The following FRMD3 variants were observed in gnomAD, a reference collection of about 807,000 sequenced individuals.
FRMD3 encodes FERM domain-containing protein 3.
Under a neutral mutation model 70.2 loss-of-function variants are expected in FRMD3, and 33 were observed. That is an observed-to-expected ratio of 0.47 (90% CI 0.36 to 0.63). FRMD3 has a LOEUF of 0.63. Among genes scored for constraint, FRMD3 ranks in the 20% least tolerant of loss-of-function variants. The probability of loss-of-function intolerance (pLI) is 0.00; values close to 1 mark genes in which losing one functional copy is unlikely to be tolerated. For synonymous variants in FRMD3, 279 were observed against 255.9 expected (o/e 1.09, Z -0.86); for missense variants, 632 against 711.4 (o/e 0.89, Z 1.27).
intron 12 of FRMD3, among the ~76,000 whole-genome samples, chr9:83,293,831 C>T (rs1396194728): frequency 6.6e-6 from 1 of 152,186 alleles, no homozygotes; most frequent in Non-Finnish European, 1.5e-5. Context: ...CCCTGAGACT[C>T]TCCAATAATA....
Position 83,247,501 on chromosome 9 carries a change from C to T in FRMD3, c.*417G>A, listed in dbSNP as rs990850480. On this transcript the variant is annotated 3_prime_UTR_variant, in exon 14 of 14. Transcript: ENST00000304195. Reference sequence around the variant, plus strand: ...TTGTATAGGCATTGGTTAGAGGACACTGTTTTCACTAAGGATTATATTCAA... The same window carrying T: ...TTGTATAGGCATTGGTTAGAGGACATTGTTTTCACTAAGGATTATATTCAA... The T allele has an allele frequency of 2.0e-6, 2 of 987,262 alleles. No homozygotes were observed. The highest frequency in any genetic ancestry group is 1.2e-6 in the Non-Finnish European group (1 of 830,644). 61.2% of individuals were successfully genotyped at this position (987,262 alleles called of 1,614,324 possible).
intron 1 of FRMD3, among the ~76,000 whole-genome samples, chr9:83,532,478 T>A (rs1432108134): frequency 6.6e-6 from 1 of 152,202 alleles, no homozygotes; most frequent in Non-Finnish European, 1.5e-5. Context: ...CATACAAAGA[T>A]TGCCTAAAAA....
Position 83,247,786 on chromosome 9 carries a change from A to G in FRMD3, c.*132T>C, listed in dbSNP as rs879047244. On this transcript the variant is annotated 3_prime_UTR_variant, in exon 14 of 14. Coordinates refer to ENST00000304195, the MANE Select transcript of FRMD3 (RefSeq NM_174938.6). ...GCAGTGAATTATGGAAAGCTAACTT[A>G]AAGGTTTGAATAATCAATTATGAGT... 3.3e-5 allele frequency: 49 copies of G among 1,488,770 alleles called. 1 individual carries two copies. The South Asian group carries it at 6.7e-4, about 20-fold the overall frequency. 92.2% of individuals were successfully genotyped at this position (1,488,770 alleles called of 1,614,324 possible).
chr9:83,565,256 CTG>C, the FRMD3 span, among the ~76,000 whole-genome samples: 11 of 152,190 alleles, frequency 7.2e-5, no homozygotes, highest in Admixed American at 5.9e-4. Context: ...GGAGACACTC[CTG>C]TCCTTAAAGT....
intron 6 of FRMD3, among the ~76,000 whole-genome samples, chr9:83,334,625 T>C (rs1305575295): frequency 1.1e-5 from 1 of 87,066 alleles, no homozygotes; most frequent in East Asian, 2.7e-4. Flanking sequence ...ACCAAAATGA[T>C]TTTTTTTTCT....
intron 1 of FRMD3, among the ~76,000 whole-genome samples, chr9:83,488,382 A>G (rs2036546391): frequency 6.6e-6 from 1 of 152,240 alleles, no homozygotes; most frequent in African/African-American, 2.4e-5. Context: ...AATCTCACAC[A>G]GTTCCATTGA....
the FRMD3 span, among the ~76,000 whole-genome samples, chr9:83,565,257 T>C: frequency 6.6e-6 from 1 of 152,168 alleles, no homozygotes; most frequent in Non-Finnish European, 1.5e-5. Context: ...GAGACACTCC[T>C]GTCCTTAAAG....
intron 1 of FRMD3, among the ~76,000 whole-genome samples, chr9:83,507,736 A>ATATATATATCTATCTATCTATC (rs1554713917): frequency 2.3e-5 from 2 of 88,696 alleles, no homozygotes; most frequent in Non-Finnish European, 4.7e-5. Flanking sequence ...ATATATATAT[A>ATATATATATCTATCTATCTATC]TATCTTCTGG....
At chr9:83,270,212 A>AC (rs1161216684) in intron 13 of FRMD3, among the ~76,000 whole-genome samples, 1 of 152,246 alleles carries the variant, frequency 6.6e-6, no homozygotes, top group African/African-American at 2.4e-5. Context: ...CTGGGCAGTG[A>AC]CAAGAGGCCA....
chr9:83,274,348 G>A (rs1197284736), intron 13 of FRMD3, among the ~76,000 whole-genome samples: 2 of 151,722 alleles, frequency 1.3e-5, no homozygotes, highest in Non-Finnish European at 2.9e-5. Context: ...CCCAAGGGCA[G>A]GGCACCACTT....
chr9:83,248,316 G>A lies in FRMD3; in HGVS notation c.1396C>T (p.Leu466Phe), dbSNP rs1832221319. 2 of 1,614,078 alleles carry A rather than the reference G, an allele frequency of 1.2e-6. No individual in the cohort carries two copies. Among genetic ancestry groups the A allele is most frequent in the African/African-American group, 2.7e-5 (2 of 74,922 alleles). The change falls in exon 14 of 14, where the codon CTC becomes TTC. Residue 466 changes from leucine to phenylalanine, a missense_variant. Physicochemically the swap from Leu to Phe is conservative, Grantham distance 22. Transcript: ENST00000304195. Reference protein sequence around the residue: ...TPVDDDEIDMLFDCPSRLELE... With the variant: ...TPVDDDEIDMFFDCPSRLELE... ...TCAAGCCTAGAAGGACAGTCAAAGA[G>A]CATGTCAATCTCATCGTCATCCACA...
At chr9:83,522,549 T>TA (rs1829595345) in intron 1 of FRMD3, among the ~76,000 whole-genome samples, 1 of 146,154 alleles carries the variant, frequency 6.8e-6, no homozygotes, top group Non-Finnish European at 1.5e-5. Context: ...ACCACAAATT[T>TA]TATATATATA....
At chr9:83,352,606 A>G (rs1279769054) in intron 3 of FRMD3, among the ~76,000 whole-genome samples, 1 of 152,230 alleles carries the variant, frequency 6.6e-6, no homozygotes, top group Admixed American at 6.5e-5. Flanking sequence ...GAGTCCTTCC[A>G]TCATCTGAAG....
At chr9:83,363,579 G>A (rs1159335178) in intron 3 of FRMD3, among the ~76,000 whole-genome samples, 1 of 121,010 alleles carries the variant, frequency 8.3e-6, no homozygotes, top group African/African-American at 3.0e-5. Context: ...TTTTTGAGAC[G>A]GAGTCTCGCT....
At chr9:83,441,000 G>A (rs1028650440) in intron 1 of FRMD3, among the ~76,000 whole-genome samples, 17 of 152,146 alleles carry the variant, frequency 1.1e-4, no homozygotes, top group African/African-American at 3.1e-4. Context: ...GCCAGTGAGA[G>A]ACTCACCACA....
intron 1 of FRMD3, among the ~76,000 whole-genome samples, chr9:83,457,664 G>A (rs370675523): frequency 3.3e-5 from 5 of 152,264 alleles, no homozygotes; most frequent in African/African-American, 9.6e-5. Context: ...AGTCTGTACT[G>A]TTCACCACAA....
At chr9:83,560,431 C>A in the FRMD3 span, among the ~76,000 whole-genome samples, 1 of 152,206 alleles carries the variant, frequency 6.6e-6, no homozygotes, top group Non-Finnish European at 1.5e-5. Flanking sequence ...GTACATGGAG[C>A]CAAACTAACA....
At chr9:83,450,961 A>C (rs546790560) in intron 1 of FRMD3, among the ~76,000 whole-genome samples, 1 of 152,330 alleles carries the variant, frequency 6.6e-6, no homozygotes, top group Non-Finnish European at 1.5e-5. Context: ...AAGTCCCCAA[A>C]TGTGAAGTAT....
In FRMD3 at chr9:83,313,652, G is replaced by T; in HGVS notation, c.684+8C>A. ...ATTATATGGTGACCTGCTGTGAGGG[G>T]CAGTTACCTTGCATGGGTGAGGATC... On this transcript the variant is annotated splice_region_variant and intron_variant, in intron 7 of 13. Transcript: ENST00000304195. 2 of 1,607,722 alleles carry T rather than the reference G, an allele frequency of 1.2e-6. No homozygotes were observed. The highest frequency in any genetic ancestry group is 1.3e-5 in the African/African-American group (1 of 74,936).
Sources: allele counts gnomAD v4.1 joint callset (sites outside exome capture counted in the v4.1 genomes callset), GRCh38; gene constraint gnomAD v4.1.1; transcripts MANE v1.5; gene names NCBI Gene and HGNC (gene_info 2026-07-23, HGNC 2026-07-21).